KYAT1: variants seen among roughly 807,000 people sequenced by gnomAD.
KYAT1 encodes the protein kynurenine aminotransferase 1.
In KYAT1, 47 loss-of-function variants were observed where a neutral mutation model predicts 52.4. The ratio of observed to expected loss-of-function variants is 0.90; its 90% CI spans 0.71 to 1.14. KYAT1 has a LOEUF of 1.14. Among genes scored for constraint, KYAT1 ranks in the 50% most tolerant of loss-of-function variants. The pLI is 0.00. For missense variants in KYAT1, 480 were observed against 557.9 expected (o/e 0.86, Z 1.41); for synonymous variants, 212 against 209.6 (o/e 1.01, Z -0.10).
At chr9:128,835,700 A>G (rs745768091) in intron 9 of KYAT1, 33 bp from the exon 10 acceptor site, 16 of 1,607,616 alleles carry the variant, frequency 1.0e-5, no homozygotes, top group Non-Finnish European at 1.4e-5. Context: ...CAGATAGATC[A>G]GCTGTTCCCT....
intron 1 of KYAT1, among the ~76,000 whole-genome samples, chr9:128,855,183 G>C (rs553347063): frequency 6.6e-6 from 1 of 152,244 alleles, no homozygotes; most frequent in African/African-American, 2.4e-5. Context: ...ATTATAGACT[G>C]GGCCCCTCAA....
intron 3 of KYAT1, 87 bp downstream of exon 3, chr9:128,842,567 G>A: frequency 7.3e-7 from 1 of 1,364,674 alleles, no homozygotes; most frequent in African/African-American, 1.4e-5. Flanking sequence ...TCTGTCCCCT[G>A]AAGCCTGACA....
At chr9:128,881,470 A>C (rs1379454512) in intron 1 of KYAT1, among the ~76,000 whole-genome samples, 1 of 152,186 alleles carries the variant, frequency 6.6e-6, no homozygotes, top group African/African-American at 2.4e-5. Context: ...TGTTCGTCTT[A>C]ATGGCTGCAC....
Position 128,833,655 on chromosome 9 carries a change from C to A in KYAT1, c.1210-12G>T. The A allele has an allele frequency of 6.2e-7, 1 of 1,614,248 alleles. No homozygotes were observed. The highest frequency in any genetic ancestry group is 8.5e-7 in the Non-Finnish European group (1 of 1,180,036). On this transcript the variant is annotated splice_polypyrimidine_tract_variant and intron_variant, in intron 12 of 12. Coordinates refer to ENST00000302586, the MANE Select transcript of KYAT1 (RefSeq NM_004059.5). ...AGCGTGGCTTCATCCTGCGCCAGCA[C>A]AGATTAGTCCTACACTCTCCCCATG...
chr9:128,837,653 C>T, intron 6 of KYAT1, 32 bp downstream of exon 6: 1 of 1,613,008 alleles, frequency 6.2e-7, no homozygotes, highest in Non-Finnish European at 8.5e-7. Context: ...ACCAGGTCCG[C>T]AGGGGGCCAG....
Position 128,838,236 on chromosome 9 carries a change from C to G in KYAT1, c.333G>C (p.Leu111=), listed in dbSNP as rs1476409800. 6 of 1,614,108 alleles carry G rather than the reference C, an allele frequency of 3.7e-6. No homozygotes were observed. Among genetic ancestry groups the G allele is most frequent in the Non-Finnish European group, 5.1e-6 (6 of 1,180,048 alleles). ...YGALFTAFQA[L]VDEGDEVIII... ...CACTCACCTCGTCTCCTTCGTCCAC[C>G]AGGGCCTGGAAGGCTGTGAACAGGG... is the stretch of plus-strand genomic sequence containing the variant. Residue 111 remains leucine (L), a synonymous_variant, in exon 4 of 13, where the codon CTG becomes CTC. Coordinates refer to ENST00000302586, the MANE Select transcript of KYAT1 (RefSeq NM_004059.5).
At chr9:128,865,328 TATATATATATATATATATA>T (rs1836103321) in intron 1 of KYAT1, among the ~76,000 whole-genome samples, 6 of 36,642 alleles carry the variant, frequency 1.6e-4, no homozygotes, top group East Asian at 1.2e-3. Context: ...TATATATATA[TATATATATATATATATATA>T]TATATATATA....
At chr9:128,868,448 T>C (rs1294501015) in intron 1 of KYAT1, among the ~76,000 whole-genome samples, 1 of 152,100 alleles carries the variant, frequency 6.6e-6, no homozygotes, top group Non-Finnish European at 1.5e-5. Context: ...AGAACAGTGG[T>C]GTGTGCAATC....
At chr9:128,834,403 T>G (rs1830637589) in intron 11 of KYAT1, among the ~76,000 whole-genome samples, 1 of 151,838 alleles carries the variant, frequency 6.6e-6, no homozygotes, top group Non-Finnish European at 1.5e-5. Flanking sequence ...AGCCTTAGAG[T>G]CACAGATCAA....
In KYAT1 at chr9:128,850,509, A is replaced by C. The variant is rs140614247; in HGVS notation, c.-6-5098T>G. On this transcript the variant is annotated intron_variant, in intron 1 of 12. Transcript: ENST00000302586. ...TTGGTAAAAGTCATCGCCATTCTCT[A>C]GTCTCAATAAACCAGGGGCACAATG... is the stretch of plus-strand genomic sequence containing the variant. Among the ~76,000 whole-genome samples the C allele has an allele frequency of 4.8e-3, 732 of 152,280 alleles. 5 individuals carry two copies. Among genetic ancestry groups the C allele is most frequent in the African/African-American group, 0.017 (698 of 41,542 alleles).
At chr9:128,858,476 TC>T (rs1465136449) in intron 1 of KYAT1, among the ~76,000 whole-genome samples, 6 of 134,890 alleles carry the variant, frequency 4.4e-5, no homozygotes, top group Non-Finnish European at 7.7e-5. Context: ...GGCGGGCAGA[TC>T]ACCTAAGGTC....
In KYAT1 at chr9:128,845,366, C is replaced by A. The variant is rs748288012; in HGVS notation, c.40G>T (p.Asp14Tyr). 6.2e-7 allele frequency: 1 copy of A among 1,613,800 alleles called. No individual in the cohort carries two copies. Among genetic ancestry groups the A allele is most frequent in the East Asian group, 2.2e-5 (1 of 44,872 alleles). ...CAGCTGGCTCACCAGGGGTTGTAGTCGATCCCGTCTAGCCTTCGGGCCTGC... is the reference window on the plus strand; with the variant it reads ...CAGCTGGCTCACCAGGGGTTGTAGTAGATCCCGTCTAGCCTTCGGGCCTGC... Reference protein sequence around the residue: ...QLQARRLDGIDYNPWVEFVKL... With the variant: ...QLQARRLDGIYYNPWVEFVKL... The change falls in exon 2 of 13, where the codon GAC becomes TAC. Residue 14 changes from aspartate to tyrosine, a missense_variant. Physicochemically the swap from Asp to Tyr is radical, Grantham distance 160. Transcript: ENST00000302586.
At chr9:128,865,478 T>A (rs1018925008) in intron 1 of KYAT1, among the ~76,000 whole-genome samples, 4 of 147,502 alleles carry the variant, frequency 2.7e-5, no homozygotes, top group African/African-American at 1.0e-4. Flanking sequence ...TTCTCGTGCC[T>A]CAGCCTCCCA....
chr9:128,875,570 G>A (rs1456759408), intron 1 of KYAT1, among the ~76,000 whole-genome samples: 2 of 151,400 alleles, frequency 1.3e-5, no homozygotes, highest in Non-Finnish European at 2.9e-5. Flanking sequence ...CCAAGATTGA[G>A]CCACTGCACT....
intron 1 of KYAT1, among the ~76,000 whole-genome samples, chr9:128,861,105 C>T (rs528730130): frequency 2.6e-5 from 4 of 152,320 alleles, no homozygotes; most frequent in South Asian, 4.1e-4. Flanking sequence ...TTGCAAAGAC[C>T]GTGATATCTG....
intron 2 of KYAT1, among the ~76,000 whole-genome samples, chr9:128,843,131 C>T (rs892719567): frequency 2.6e-5 from 4 of 152,214 alleles, no homozygotes; most frequent in Non-Finnish European, 5.9e-5. Flanking sequence ...CGCACCATTG[C>T]ACTGCAGCCT....
At chr9:128,850,212 C>T (rs1290284747) in intron 1 of KYAT1, among the ~76,000 whole-genome samples, 1 of 152,110 alleles carries the variant, frequency 6.6e-6, no homozygotes, top group Admixed American at 6.6e-5. Flanking sequence ...GAACCCCTGA[C>T]TTCAAGCGAT....
intron 1 of KYAT1, among the ~76,000 whole-genome samples, chr9:128,878,972 C>T (rs1434365796): frequency 1.3e-5 from 2 of 152,160 alleles, no homozygotes; most frequent in Non-Finnish European, 2.9e-5. Context: ...AGGAGGCCCC[C>T]AGCTGCAAGC....
Position 128,833,401 on chromosome 9 carries a change from G to C in KYAT1, c.*183C>G. 1 of 660,072 alleles carries C rather than the reference G, an allele frequency of 1.5e-6. No individual in the cohort carries two copies. The highest frequency in any genetic ancestry group is 1.8e-5 in the South Asian group (1 of 55,352). The allele number at this position is 660,072 out of a possible 1,614,324, so 40.9% of individuals were successfully genotyped here. A position where few individuals can be genotyped will look rare whatever the true frequency, so the allele number is the denominator to read the frequency against. On this transcript the variant is annotated 3_prime_UTR_variant, in exon 13 of 13. Coordinates refer to ENST00000302586, the MANE Select transcript of KYAT1 (RefSeq NM_004059.5). ...GCCACCCTCACCTTTCAGACAGGAGGCACTTGGTTCTCTAAGATGAAGAAG... is the reference window on the plus strand; with the variant it reads ...GCCACCCTCACCTTTCAGACAGGAGCCACTTGGTTCTCTAAGATGAAGAAG...
Sources: gnomAD v4.1 joint callset for allele counts (sites outside exome capture counted in the v4.1 genomes callset) on GRCh38, gnomAD v4.1.1 for gene constraint, MANE v1.5 for transcripts, NCBI Gene and HGNC (gene_info 2026-07-23, HGNC 2026-07-21) for gene names.